Variants in GRIN2D observed in about 807,000 individuals in gnomAD.
GRIN2D encodes the protein glutamate ionotropic receptor NMDA type subunit 2D, also known as glutamate receptor ionotropic, NMDA 2D.
Under a neutral mutation model 103.2 loss-of-function variants are expected in GRIN2D, and 37 were observed. That is an observed-to-expected ratio of 0.36 (90% CI 0.28 to 0.47). GRIN2D has a LOEUF of 0.47. Ranked by LOEUF, GRIN2D falls within the 20% of genes least tolerant of loss-of-function variation. The probability of loss-of-function intolerance (pLI) is 1.00; values close to 1 mark genes in which losing one functional copy is unlikely to be tolerated. For synonymous variants in GRIN2D, 845 were observed against 885.6 expected, an observed-to-expected ratio of 0.95 and a Z score of 0.81; for missense variants, 1,557 against 1,910.6, an observed-to-expected ratio of 0.81 and a Z score of 3.45.
chr19:48,443,031 CG>C lies in GRIN2D; in HGVS notation c.3106del (p.Ala1036ProfsTer482). 1 of 1,052,834 alleles carries C rather than the reference CG, an allele frequency of 9.5e-7. No individual in the cohort carries two copies. Among genetic ancestry groups the C allele is most frequent in the East Asian group, 7.4e-5 (1 of 13,468 alleles). 65.2% of individuals were successfully genotyped at this position (1,052,834 alleles called of 1,614,324 possible). A position where few individuals can be genotyped will look rare whatever the true frequency, so the allele number is the denominator to read the frequency against. On this transcript the variant is annotated frameshift_variant, in exon 14 of 14. Coordinates refer to ENST00000263269, the MANE Select transcript of GRIN2D (RefSeq NM_000836.4). LOFTEE classifies it high-confidence loss of function. The surrounding 1 kb of genome is among the most constrained non-coding windows in gnomAD (Gnocchi z 8.9). ...TCCCGTCGCCGCCCGCGCCCCCCGC[CG>C]CCGCGGCCACCGCCGTCGGGCCGCC... is the stretch of plus-strand genomic sequence containing the variant. ...GFPSPPAPPA[A>X]AATAVGPPLC...
chr19:48,401,094 A>AAAACAAT (rs1465795223), intron 3 of GRIN2D, among the ~76,000 whole-genome samples: 1 of 151,844 alleles, frequency 6.6e-6, no homozygotes, highest in East Asian at 1.9e-4. Context: ...AAAAAAAAAA[A>AAAACAAT]AAACAATAAA....
At chr19:48,426,344 G>C (rs1971088139) in intron 11 of GRIN2D, among the ~76,000 whole-genome samples, 1 of 149,730 alleles carries the variant, frequency 6.7e-6, no homozygotes, top group Admixed American at 6.7e-5. Flanking sequence ...TCCTGCCTCA[G>C]CCTCCCAAGT....
intron 8 of GRIN2D, 32 bp downstream of exon 8, chr19:48,416,187 C>A (rs201557381): frequency 6.2e-7 from 1 of 1,604,830 alleles, no homozygotes; most frequent in East Asian, 2.2e-5. Context: ...GGGAGCTAGC[C>A]CTAGGCAAAG....
chr19:48,408,388 A>G (rs1446231274), intron 4 of GRIN2D, among the ~76,000 whole-genome samples: 2 of 151,170 alleles, frequency 1.3e-5, no homozygotes, highest in African/African-American at 4.9e-5. Context: ...AGTCCTAGCT[A>G]CTTGGGAGGC....
At position 48,443,698 on chromosome 19, in the gene GRIN2D, G is replaced by A. The variant is rs1971339899; in HGVS notation, c.3772G>A (p.Gly1258Arg). 8.0e-7 allele frequency: 1 copy of A among 1,251,864 alleles called. No individual in the cohort carries two copies. Among genetic ancestry groups the A allele is most frequent in the Non-Finnish European group, 1.0e-6 (1 of 1,002,286 alleles). The allele number at this position is 1,251,864 out of a possible 1,614,324, so 77.5% of individuals were successfully genotyped here. ...PHHHRHRRAA[G>R]GWDLPPPAPT... The stretch of plus-strand genomic sequence containing the variant: ...CCACCACAGGCACCGGCGCGCCGCT[G>A]GGGGCTGGGACCTCCCGCCGCCCGC... The change falls in exon 14 of 14, where the codon GGG becomes AGG. Residue 1258 changes from glycine (G) to arginine (R), a missense_variant. Transcript: ENST00000263269. This position sits in a 1 kb window ranked among gnomAD's most constrained non-coding sequence, Gnocchi z 8.9.
chr19:48,432,858 T>C (rs1199786087), intron 11 of GRIN2D, among the ~76,000 whole-genome samples: 1 of 147,776 alleles, frequency 6.8e-6, no homozygotes, highest in African/African-American at 2.5e-5. Flanking sequence ...TGGCACGATC[T>C]CTGCTCACTG....
intron 3 of GRIN2D, among the ~76,000 whole-genome samples, chr19:48,399,823 G>A (rs892161061): frequency 2.6e-5 from 4 of 151,148 alleles, no homozygotes; most frequent in African/African-American, 9.8e-5. Context: ...TTGAGATTTG[G>A]TGCGAGGCCA....
intron 11 of GRIN2D, among the ~76,000 whole-genome samples, chr19:48,430,774 A>G (rs1213396764): frequency 6.6e-6 from 1 of 151,468 alleles, no homozygotes; most frequent in African/African-American, 2.4e-5. Flanking sequence ...AATATACTTA[A>G]TATGTTAGAA....
At position 48,405,284 on chromosome 19, in the gene GRIN2D, G is replaced by A. The variant is rs762905935; in HGVS notation, c.1016G>A (p.Gly339Asp). Residue 339 changes from glycine (G) to aspartate (D), a missense_variant, in exon 4 of 14, where the codon GGT becomes GAT. By Grantham distance (94) the Gly-to-Asp change is moderately conservative (BLOSUM62 -1). Transcript: ENST00000263269. This position sits in a 1 kb window ranked among gnomAD's most constrained non-coding sequence, Gnocchi z 5.1. ...RGAQALLRDY[G>D]FLPELGHDCR... ...GCCCAGGCCCTGCTGCGTGATTATG[G>A]TTTCCTTCCTGAGCTCGGCCACGAC... 3 of 1,601,616 alleles carry A rather than the reference G, an allele frequency of 1.9e-6. No homozygotes were observed. The highest frequency in any genetic ancestry group is 3.4e-5 in the Admixed American group (2 of 59,564).
chr19:48,398,456 CTGGCCTG>C lies in GRIN2D; in HGVS notation c.65_71del (p.Leu22ProfsTer59). The C allele has an allele frequency of 9.2e-7, 1 of 1,084,346 alleles. No homozygotes were observed. Among genetic ancestry groups the C allele is most frequent in the Non-Finnish European group, 1.1e-6 (1 of 894,498 alleles). 67.2% of individuals were successfully genotyped at this position (1,084,346 alleles called of 1,614,324 possible). A position where few individuals can be genotyped will look rare whatever the true frequency, so the allele number is the denominator to read the frequency against. Reference sequence around the variant, plus strand: ...CGCTAAGATGCTGCTGCTGCTGGCGCTGGCCTGCGCCAGCCCGTTCCCGGAGGAGGCG... The same window carrying C: ...CGCTAAGATGCTGCTGCTGCTGGCGCCGCCAGCCCGTTCCCGGAGGAGGCG... On this transcript the variant is annotated frameshift_variant, in exon 3 of 14. Transcript: ENST00000263269. LOFTEE classifies it high-confidence loss of function.
In GRIN2D at chr19:48,443,143, G is replaced by C. The variant is rs1267665562; in HGVS notation, c.3217G>C (p.Gly1073Arg). ...RSDPESQPLL[G>R]PGAGGAGGTG... The stretch of plus-strand genomic sequence containing the variant: ...GGACCCCGAGAGCCAACCCCTGCTG[G>C]GGCCAGGCGCGGGCGGCGCGGGGGG... The change falls in exon 14 of 14, where the codon GGG becomes CGG. Residue 1073 changes from glycine to arginine, a missense_variant. By Grantham distance (125) the Gly-to-Arg change is moderately radical. Coordinates refer to ENST00000263269, the MANE Select transcript of GRIN2D (RefSeq NM_000836.4). The surrounding 1 kb of genome is among the most constrained non-coding windows in gnomAD (Gnocchi z 8.9). 1 of 994,562 alleles carries C rather than the reference G, an allele frequency of 1.0e-6. No individual in the cohort carries two copies. Among genetic ancestry groups the C allele is most frequent in the Non-Finnish European group, 1.2e-6 (1 of 837,250 alleles). 61.6% of individuals were successfully genotyped at this position (994,562 alleles called of 1,614,324 possible).
intron 4 of GRIN2D, among the ~76,000 whole-genome samples, chr19:48,409,681 T>C (rs1156914877): frequency 6.6e-6 from 1 of 152,118 alleles, no homozygotes; most frequent in Non-Finnish European, 1.5e-5. Context: ...TAGAACATAG[T>C]GGGCAAGGGG....
Position 48,442,504 on chromosome 19 carries a change from C to A in GRIN2D, c.2674-96C>A. 3 of 1,496,866 alleles carry A rather than the reference C, an allele frequency of 2.0e-6. No individual in the cohort carries two copies. The highest frequency in any genetic ancestry group is 2.7e-6 in the Non-Finnish European group (3 of 1,124,634). 92.7% of individuals were successfully genotyped at this position (1,496,866 alleles called of 1,614,324 possible). On this transcript the variant is annotated intron_variant, in intron 13 of 13. Transcript: ENST00000263269. This position sits in a 1 kb window ranked among gnomAD's most constrained non-coding sequence, Gnocchi z 7.2. ...ATAGTGGGGAAGAGAGCGGGAAACA[C>A]AGGCGGGTAAATGGAGAGGAGAGAG...
At position 48,414,385 on chromosome 19, in the gene GRIN2D, G is replaced by C. The variant is rs942437697; in HGVS notation, c.1213G>C (p.Glu405Gln). Reference sequence around the variant, plus strand: ...CCCTTTGGCCAAGGTGGGCAGCTGGGAGCAGCAGACGCTCCGCCTCAAGTA... The same window carrying C: ...CCCTTTGGCCAAGGTGGGCAGCTGGCAGCAGCAGACGCTCCGCCTCAAGTA... ...DRTWEVVGSW[E>Q]QQTLRLKYPL... Residue 405 changes from glutamate to glutamine, a missense_variant, in exon 6 of 14, where the codon GAG (glutamate) becomes CAG (glutamine). Transcript: ENST00000263269. The surrounding 1 kb of genome is among the most constrained non-coding windows in gnomAD (Gnocchi z 4.6). 6.2e-7 allele frequency: 1 copy of C among 1,606,150 alleles called. No individual in the cohort carries two copies. The highest frequency in any genetic ancestry group is 8.5e-7 in the Non-Finnish European group (1 of 1,177,426).
intron 4 of GRIN2D, among the ~76,000 whole-genome samples, chr19:48,406,446 A>G (rs749274666): frequency 6.6e-6 from 1 of 152,098 alleles, no homozygotes; most frequent in Non-Finnish European, 1.5e-5. Context: ...GAAAAGAGAG[A>G]CCTTTAATCC....
chr19:48,434,518 G>T (rs1228552062), intron 11 of GRIN2D, among the ~76,000 whole-genome samples: 1 of 152,118 alleles, frequency 6.6e-6, no homozygotes, highest in African/African-American at 2.4e-5. Context: ...GCCTCCCAAA[G>T]TGTTCTTGGG....
At chr19:48,409,790 CT>C (rs915799572) in intron 4 of GRIN2D, among the ~76,000 whole-genome samples, 1 of 150,002 alleles carries the variant, frequency 6.7e-6, no homozygotes, top group African/African-American at 2.5e-5. Flanking sequence ...TCTTTTTTTT[CT>C]TTTTTTTGAG....
intron 2 of GRIN2D, among the ~76,000 whole-genome samples, chr19:48,397,006 G>A (rs1055992785): frequency 2.1e-4 from 32 of 152,092 alleles, no homozygotes; most frequent in African/African-American, 6.8e-4. Context: ...CACCCCAGGC[G>A]GCTAGTATTC....
At chr19:48,435,525 G>C (rs575454836) in intron 11 of GRIN2D, among the ~76,000 whole-genome samples, 4 of 152,124 alleles carry the variant, frequency 2.6e-5, no homozygotes, top group African/African-American at 9.6e-5. Context: ...TCTGAACTCA[G>C]GTGATCCGCT....
Sources: gnomAD v4.1 joint callset for allele counts (sites outside exome capture counted in the v4.1 genomes callset) on GRCh38, gnomAD v4.1.1 for gene constraint, Gnocchi (gnomAD v3.1) non-coding constraint, MANE v1.5 for transcripts, NCBI Gene and HGNC (gene_info 2026-07-23, HGNC 2026-07-21) for gene names.